LYG2: variants seen among roughly 807,000 people sequenced by gnomAD.
LYG2 encodes lysozyme g-like protein 2.
In LYG2, 25 loss-of-function variants were observed where a neutral mutation model predicts 22.4. The ratio of observed to expected loss-of-function variants is 1.12; its 90% confidence interval spans 0.81 to 1.56. The LOEUF is 1.56. Among genes scored for constraint, LYG2 ranks in the 40% most tolerant of loss-of-function variants. The pLI is 0.00. For missense variants in LYG2, 266 were observed against 269.5 expected, an observed-to-expected ratio of 0.99 and a Z score of 0.09; for synonymous variants, 88 against 97.0, an observed-to-expected ratio of 0.91 and a Z score of 0.55.
intron 3 of LYG2, among the ~76,000 whole-genome samples, chr2:99,251,106 T>G (rs2094025819): frequency 6.6e-6 from 1 of 151,814 alleles, no homozygotes; most frequent in Non-Finnish European, 1.5e-5. Context: ...ATGGAGAGAG[T>G]AAGAGGAAGG....
chr2:99,242,633 G>T (rs1480756915), intron 6 of LYG2, 151 bp from the exon 7 acceptor site: 2 of 506,718 alleles, frequency 3.9e-6, no homozygotes, highest in East Asian at 6.3e-5. Flanking sequence ...GAAAGGACGT[G>T]CTATCCCAAG....
At chr2:99,259,675 T>C (rs935060220), upstream of LYG2, among the ~76,000 whole-genome samples, 4 of 152,226 alleles carry the variant, frequency 2.6e-5, no homozygotes, top group African/African-American at 9.6e-5. Flanking sequence ...GGCAATGTCT[T>C]ACATAACTAT....
At chr2:99,245,627 A>G (rs912144757) in intron 4 of LYG2, among the ~76,000 whole-genome samples, 169 bp from the exon 5 acceptor site, 1 of 151,658 alleles carries the variant, frequency 6.6e-6, no homozygotes, top group African/African-American at 2.4e-5. Flanking sequence ...AAAAAAAAAA[A>G]AAGAATTTAA....
intron 3 of LYG2, among the ~76,000 whole-genome samples, chr2:99,250,522 C>T (rs553931069): frequency 6.6e-6 from 1 of 152,224 alleles, no homozygotes; most frequent in Admixed American, 6.5e-5. Flanking sequence ...CTACAGGCGC[C>T]TGCCATCACA....
Position 99,254,292 on chromosome 2 carries a change from T to C in LYG2, c.-25-7A>G, listed in dbSNP as rs761205585. On this transcript the variant is annotated splice_polypyrimidine_tract_variant and splice_region_variant and intron_variant, in intron 2 of 6. Transcript: ENST00000333017. ...GAATCTTATCTTCCAGGACCTGCTCTGATTTGAAATAGAAACTGGTTAATT... is the reference window on the plus strand; with the variant it reads ...GAATCTTATCTTCCAGGACCTGCTCCGATTTGAAATAGAAACTGGTTAATT... The C allele has an allele frequency of 6.2e-6, 10 of 1,601,766 alleles. No homozygotes were observed. The highest frequency in any genetic ancestry group is 1.8e-5 in the Admixed American group (1 of 56,868).
At chr2:99,247,202 C>T (rs891152100) in intron 3 of LYG2, among the ~76,000 whole-genome samples, 1 of 152,076 alleles carries the variant, frequency 6.6e-6, no homozygotes, top group Non-Finnish European at 1.5e-5. Context: ...AAACTATCCT[C>T]CCACCCCAGC....
chr2:99,256,954 T>C (rs576040963), upstream of LYG2, among the ~76,000 whole-genome samples: 79 of 152,338 alleles, frequency 5.2e-4, no homozygotes, highest in Admixed American at 2.0e-3. Flanking sequence ...GAGGAAACTG[T>C]GACTCAGAGA....
At chr2:99,250,707 A>G (rs1370603929) in intron 3 of LYG2, among the ~76,000 whole-genome samples, 4 of 152,208 alleles carry the variant, frequency 2.6e-5, no homozygotes, top group African/African-American at 9.6e-5. Flanking sequence ...CAAGAGCCCA[A>G]AGGTTTGGCA....
chr2:99,243,491 CAGAT>C (rs36096004), intron 6 of LYG2: 234,421 of 1,299,700 alleles, frequency 0.18, 18,232 homozygotes, highest in African/African-American at 0.28. Flanking sequence ...GGTAGGCAAA[CAGAT>C]AGATAGATAG....
At position 99,243,491 on chromosome 2, in the gene LYG2, C is replaced by CAGATAGATAGAT. The variant is rs36096004; in HGVS notation, c.520+496_520+507dup. The CAGATAGATAGAT allele has an allele frequency of 3.9e-3, 5,020 of 1,302,216 alleles. 23 individuals are homozygous for CAGATAGATAGAT. The highest frequency in any genetic ancestry group is 0.01 in the East Asian group (394 of 37,658). 80.7% of individuals were successfully genotyped at this position (1,302,216 alleles called of 1,614,324 possible). The stretch of plus-strand genomic sequence containing the variant: ...AAAAAACCTATGAGAGGTAGGCAAA[C>CAGATAGATAGAT]AGATAGATAGATAGATAGATAGATA... On this transcript the variant is annotated intron_variant, in intron 6 of 6. Transcript: ENST00000333017.
In LYG2 at chr2:99,245,370, A is replaced by G; in HGVS notation, c.273T>C (p.His91=). The G allele has an allele frequency of 6.2e-7, 1 of 1,613,288 alleles. No individual in the cohort carries two copies. Among genetic ancestry groups the G allele is most frequent in the Non-Finnish European group, 8.5e-7 (1 of 1,179,630 alleles). The change falls in exon 5 of 7, where the codon CAT becomes CAC. Residue 91 remains histidine (H), a synonymous_variant. Transcript: ENST00000333017. ...QTLIKEVGQR[H]CVDPAVIAAI... ...CTGCGATGACAGCAGGGTCCACGCAATGTCTCTGCCCGACTTCTTTGATCA... is the reference window on the plus strand; with the variant it reads ...CTGCGATGACAGCAGGGTCCACGCAGTGTCTCTGCCCGACTTCTTTGATCA...
chr2:99,255,637 T>G lies in LYG2; in HGVS notation c.-178A>C, dbSNP rs2094034762. Reference sequence around the variant, plus strand: ...TGGGTCTCCTGCTTTTTGTTCCCATTCCAATGTCATATGATCCCCGTACCA... The same window carrying G: ...TGGGTCTCCTGCTTTTTGTTCCCATGCCAATGTCATATGATCCCCGTACCA... On this transcript the variant is annotated 5_prime_UTR_variant, in exon 1 of 7. Coordinates refer to ENST00000333017, the MANE Select transcript of LYG2 (RefSeq NM_175735.4). Among the ~76,000 whole-genome samples the G allele has an allele frequency of 6.6e-6, 1 of 152,164 alleles. No individual in the cohort carries two copies. Among genetic ancestry groups the G allele is most frequent in the African/African-American group, 2.4e-5 (1 of 41,444 alleles).
chr2:99,259,803 A>G (rs1301323454), upstream of LYG2, among the ~76,000 whole-genome samples: 4 of 152,052 alleles, frequency 2.6e-5, no homozygotes, highest in African/African-American at 9.7e-5. Flanking sequence ...AAAAATATTT[A>G]TTTATATTTC....
chr2:99,252,447 G>A (rs924900622), intron 3 of LYG2, among the ~76,000 whole-genome samples: 6 of 151,142 alleles, frequency 4.0e-5, no homozygotes, highest in African/African-American at 7.3e-5. Flanking sequence ...CTTACTGTTC[G>A]TTCCTCTCAC....
chr2:99,243,693 C>CTTTTTTTTTTTTTT, intron 6 of LYG2: 1 of 156,548 alleles, frequency 6.4e-6, no homozygotes, highest in East Asian at 1.7e-4. Context: ...CCATGCCCAG[C>CTTTTTTTTTTTTTT]TTTTTTTTTT....
intron 3 of LYG2, among the ~76,000 whole-genome samples, chr2:99,251,742 T>C (rs1438584368): frequency 1.3e-5 from 2 of 152,058 alleles, no homozygotes. Context: ...CTCAGAATAA[T>C]GGCTGATTGC....
Position 99,254,240 on chromosome 2 carries a change from A to G in LYG2, c.21T>C (p.Phe7=), listed in dbSNP as rs2094031988. Residue 7 remains phenylalanine, a synonymous_variant, in exon 3 of 7, where the codon TTT becomes TTC. Transcript: ENST00000333017. MLSSVV[F]WGLIALIGTS... ...TACCAATGAGGGCAATTAGTCCCCA[A>G]AACACCACGGAGGATAACATGGCGG... The G allele has an allele frequency of 1.2e-6, 2 of 1,614,004 alleles. No homozygotes were observed. Among genetic ancestry groups the G allele is most frequent in the Non-Finnish European group, 8.5e-7 (1 of 1,179,996 alleles).
At chr2:99,255,490 A>G (rs2094034568) in intron 1 of LYG2, among the ~76,000 whole-genome samples, 113 bp downstream of exon 1, 1 of 152,230 alleles carries the variant, frequency 6.6e-6, no homozygotes, top group Non-Finnish European at 1.5e-5. Flanking sequence ...TTGTTTCTAG[A>G]TATCTAAAAT....
intron 6 of LYG2, among the ~76,000 whole-genome samples, chr2:99,242,865 C>T (rs924822490): frequency 6.6e-6 from 1 of 152,212 alleles, no homozygotes; most frequent in Non-Finnish European, 1.5e-5. Flanking sequence ...TGTTTTCAAG[C>T]ACCTACTATG....
Sources: allele counts gnomAD v4.1 joint callset (sites outside exome capture counted in the v4.1 genomes callset), GRCh38; gene constraint gnomAD v4.1.1; transcripts MANE v1.5; gene names NCBI Gene and HGNC (gene_info 2026-07-23, HGNC 2026-07-21).